ATG2A: variants seen among roughly 807,000 people sequenced by gnomAD.
ATG2A encodes the protein autophagy related 2A, also known as autophagy-related protein 2 homolog A.
ATG2A carries 103 observed loss-of-function variants against 214.2 expected under a neutral mutation model. The observed-to-expected ratio is 0.48, with a 90% CI of 0.41 to 0.57. The LOEUF (loss-of-function observed/expected upper bound fraction) is 0.57. Ranked by LOEUF, ATG2A falls within the 20% of genes least tolerant of loss-of-function variation. ATG2A has a pLI of 0.00. For missense variants in ATG2A, 2,312 were observed against 2,613.2 expected (o/e 0.88, Z 2.51); for synonymous variants, 1,160 against 1,142.1 (o/e 1.02, Z -0.32).
rs377170791 is a variant in ATG2A, at chr11:64,896,761, C to T, written c.5259G>A (p.Ser1753=). 58 of 1,614,102 alleles carry T rather than the reference C, an allele frequency of 3.6e-5. No homozygotes were observed. The East Asian group carries it at 6.2e-4, about 17-fold the overall frequency. ...GLLGGVGPMH[S]VVQLFQGFRD... is the part of the protein sequence containing the mutation. Reference sequence around the variant, plus strand: ...CTAGACACTCACAGAGCTGGACAACCGAGTGCATGGGGCCCACGCCTCCCA... The same window carrying T: ...CTAGACACTCACAGAGCTGGACAACTGAGTGCATGGGGCCCACGCCTCCCA... Residue 1753 remains serine (S), a synonymous_variant, in exon 38 of 41, where the codon TCG becomes TCA. Transcript: ENST00000377264.
intron 16 of ATG2A, 126 bp from the exon 17 acceptor site, chr11:64,908,016 T>A (rs1030214961): frequency 2.3e-5 from 26 of 1,125,018 alleles, no homozygotes; most frequent in Non-Finnish European, 3.2e-5. Context: ...CCTTCTCTAC[T>A]GGGGATGCAT....
At chr11:64,914,980 G>C (rs867022976) in intron 1 of ATG2A, among the ~76,000 whole-genome samples, 2 of 151,872 alleles carry the variant, frequency 1.3e-5, no homozygotes, top group Non-Finnish European at 1.5e-5. Flanking sequence ...ATAAAGGGAG[G>C]GGGGATAGGC....
At position 64,912,112 on chromosome 11, in the gene ATG2A, TG is replaced by T. The variant is rs1230120299; in HGVS notation, c.1059del (p.Asn354ThrfsTer34). ...VAEPLSPDPL[T>X]NPLLNLDNTD... ...GTGTTATCCAGGTTGAGAAGGGGGTTGGTAAGGGGGTCTGGGCTGAGGGGCT... is the reference window on the plus strand; with the variant it reads ...GTGTTATCCAGGTTGAGAAGGGGGTTGTAAGGGGGTCTGGGCTGAGGGGCT... On this transcript the variant is annotated frameshift_variant, in exon 8 of 41. Transcript: ENST00000377264. LOFTEE classifies it high-confidence loss of function. 1 of 1,613,488 alleles carries T rather than the reference TG, an allele frequency of 6.2e-7. No homozygotes were observed. Among genetic ancestry groups the T allele is most frequent in the East Asian group, 2.2e-5 (1 of 44,888 alleles).
chr11:64,902,746 G>A lies in ATG2A; in HGVS notation c.3613-66C>T, dbSNP rs564098945. The stretch of plus-strand genomic sequence containing the variant: ...GGGCCACTGCCTGCTGGCCCCACCC[G>A]CTCGCTGGGAGGGCACCGCAGTTCT... On this transcript the variant is annotated intron_variant, in intron 26 of 40. Coordinates refer to ENST00000377264, the MANE Select transcript of ATG2A (RefSeq NM_015104.3). 1,351 of 1,471,878 alleles carry A rather than the reference G, an allele frequency of 9.2e-4. 1 individual carries two copies. The highest frequency in any genetic ancestry group is 1.1e-3 in the Non-Finnish European group (1,171 of 1,072,140). The allele number at this position is 1,471,878 out of a possible 1,614,324, so 91.2% of individuals were successfully genotyped here. A position where few individuals can be genotyped will look rare whatever the true frequency, so the allele number is the denominator to read the frequency against.
chr11:64,911,328 G>C (rs1944766174), intron 9 of ATG2A, 53 bp from the exon 10 acceptor site: 1 of 1,572,992 alleles, frequency 6.4e-7, no homozygotes, highest in African/African-American at 1.3e-5. Context: ...GGGTACCCCA[G>C]GTGGAGCAAT....
At chr11:64,901,194 T>TA in intron 29 of ATG2A, 102 bp from the exon 30 acceptor site, 25 of 1,225,752 alleles carry the variant, frequency 2.0e-5, no homozygotes, top group East Asian at 2.6e-5. Context: ...TTTTTTTTTT[T>TA]TATAGACAGG....
At chr11:64,897,607 GC>G in intron 36 of ATG2A, 63 bp downstream of exon 36, 1 of 1,610,562 alleles carries the variant, frequency 6.2e-7, no homozygotes, top group Non-Finnish European at 8.5e-7. Flanking sequence ...GCAAGACCTG[GC>G]CCCCAGAGGG....
In ATG2A at chr11:64,914,422, C is replaced by G. The variant is rs765501397; in HGVS notation, c.250G>C (p.Val84Leu). ...EGFVGSIEVA[V>L]PWAALLTDHC... is the part of the protein sequence containing the mutation. ...TCGGTGAGCAGAGCAGCCCAGGGCA[C>G]GGCCACCTCGATGGAGCCCACGAAG... Residue 84 changes from valine (V) to leucine (L), a missense_variant, in exon 2 of 41, where the codon GTG becomes CTG. By Grantham distance (32) the Val-to-Leu change is conservative (BLOSUM62 1). Coordinates refer to ENST00000377264, the MANE Select transcript of ATG2A (RefSeq NM_015104.3). 4.3e-6 allele frequency: 7 copies of G among 1,612,438 alleles called. No homozygotes were observed. In the South Asian group the frequency reaches 7.7e-5, roughly 18 times the overall value.
intron 1 of ATG2A, 149 bp downstream of exon 1, chr11:64,916,816 G>T: frequency 9.8e-7 from 1 of 1,025,634 alleles, no homozygotes; most frequent in South Asian, 1.6e-5. Flanking sequence ...GAGGCCAGCC[G>T]GGGTGCCTCT....
rs1440195373 is a variant in ATG2A at position 64,914,205 on chromosome 11, C to T, written c.363G>A (p.Trp121Ter). 6.4e-7 allele frequency: 1 copy of T among 1,553,862 alleles called. No homozygotes were observed. The highest frequency in any genetic ancestry group is 8.7e-7 in the Non-Finnish European group (1 of 1,148,594). The change falls in exon 3 of 41, where the codon TGG (tryptophan) becomes TGA (stop). Residue 121 changes from tryptophan (W) to a stop codon, truncating the protein, a stop_gained. Coordinates refer to ENST00000377264, the MANE Select transcript of ATG2A (RefSeq NM_015104.3). LOFTEE classifies it high-confidence loss of function. ...GCAGGCTTGTGGTCATGCATGAGGC[C>T]CAGCTCTGTGAGTCGGCAGCCCCTG... The part of the protein sequence containing the change: ...PAPGAADSQS[W>*]ASCMTTSLQL...
chr11:64,907,135 G>C, intron 19 of ATG2A, 120 bp downstream of exon 19: 1 of 1,234,402 alleles, frequency 8.1e-7, no homozygotes, highest in Non-Finnish European at 1.1e-6. Flanking sequence ...GTGGGCTGGC[G>C]CTGCCCACTC....
chr11:64,902,439 C>A, intron 27 of ATG2A, 53 bp from the exon 28 acceptor site: 2 of 1,528,476 alleles, frequency 1.3e-6, no homozygotes. Flanking sequence ...GCTCCCCCAA[C>A]CCCAGGCCCG....
At chr11:64,901,172 C>A in intron 29 of ATG2A, 80 bp from the exon 30 acceptor site, 2 of 1,391,184 alleles carry the variant, frequency 1.4e-6, no homozygotes, top group Non-Finnish European at 1.9e-6. Context: ...CCTGGCCTCA[C>A]TTCTTTTTCA....
At chr11:64,905,394 A>G (rs1314674776) in intron 24 of ATG2A, among the ~76,000 whole-genome samples, 169 bp downstream of exon 24, 5 of 152,216 alleles carry the variant, frequency 3.3e-5, no homozygotes, top group Non-Finnish European at 5.9e-5. Flanking sequence ...TAAGGGTCTC[A>G]TCAGGAGGCT....
Position 64,914,940 on chromosome 11 carries a change from T to C in ATG2A, c.172-440A>G, listed in dbSNP as rs368303376. ...CGTGGGGAAGACGCCTAACCCAGCC[T>C]GGGCCGTCAGAGGAGGGGCAAGCTG... On this transcript the variant is annotated intron_variant, in intron 1 of 40. Transcript: ENST00000377264. 6.3e-5 allele frequency among the ~76,000 whole-genome samples: 9 copies of C among 143,390 alleles called. No homozygotes were observed. In the East Asian group the frequency reaches 1.6e-3, roughly 25 times the overall value. 94.1% of individuals were successfully genotyped at this position (143,390 alleles called of 152,430 possible).
Position 64,912,135 on chromosome 11 carries a change from G to T in ATG2A, c.1037C>A (p.Pro346His). The T allele has an allele frequency of 1.2e-6, 2 of 1,613,916 alleles. No individual in the cohort carries two copies. The highest frequency in any genetic ancestry group is 2.2e-5 in the South Asian group (2 of 91,088). The change falls in exon 8 of 41, where the codon CCC (proline) becomes CAC (histidine). Residue 346 changes from proline to histidine, a missense_variant. Pro to His is a moderately conservative substitution (Grantham distance 77, BLOSUM62 -2). Transcript: ENST00000377264. Reference sequence around the variant, plus strand: ...GTTGGTAAGGGGGTCTGGGCTGAGGGGCTCAGCCACTGCCCCTGCCTGCAG... The same window carrying T: ...GTTGGTAAGGGGGTCTGGGCTGAGGTGCTCAGCCACTGCCCCTGCCTGCAG... Reference protein sequence around the residue: ...QQLQAGAVAEPLSPDPLTNPL... With the variant: ...QQLQAGAVAEHLSPDPLTNPL...
rs1944721121 is a variant in ATG2A, at chr11:64,910,331, C to T, written c.1708-136G>A. 2.3e-6 allele frequency: 3 copies of T among 1,310,608 alleles called. No homozygotes were observed. In the South Asian group the frequency reaches 4.5e-5, roughly 20 times the overall value. The allele number at this position is 1,310,608 out of a possible 1,614,324, so 81.2% of individuals were successfully genotyped here. A position where few individuals can be genotyped will look rare whatever the true frequency, so the allele number is the denominator to read the frequency against. On this transcript the variant is annotated intron_variant, in intron 12 of 40. Transcript: ENST00000377264. ...CTAAGAAGGCCTGCCCCACCTTTGC[C>T]CGACGCGCACAATGTGCTTGTTTAC...
In ATG2A at chr11:64,895,225, G is replaced by A. The variant is rs1944105922; in HGVS notation, c.5581-16C>T. ...CCAAGATGCCCTGTGGAAGCCAGAG[G>A]TCAGGGCGGGGTCTGTGTGAGGAGA... On this transcript the variant is annotated splice_polypyrimidine_tract_variant and intron_variant, in intron 40 of 40. Coordinates refer to ENST00000377264, the MANE Select transcript of ATG2A (RefSeq NM_015104.3). This position sits in a 1 kb window ranked among gnomAD's most constrained non-coding sequence, Gnocchi z 5.0. 1.2e-6 allele frequency: 2 copies of A among 1,613,018 alleles called. No individual in the cohort carries two copies. Among genetic ancestry groups the A allele is most frequent in the Non-Finnish European group, 1.7e-6 (2 of 1,179,790 alleles).
Position 64,910,908 on chromosome 11 carries a change from T to C in ATG2A, c.1513A>G (p.Ser505Gly). The C allele has an allele frequency of 6.2e-7, 1 of 1,612,656 alleles. No homozygotes were observed. Among genetic ancestry groups the C allele is most frequent in the Non-Finnish European group, 8.5e-7 (1 of 1,179,820 alleles). ...VQLSWELRTGSRGRRTTSMEV... is the reference protein window; with the variant it reads ...VQLSWELRTGGRGRRTTSMEV... ...ATGCTGGTTGTCCGCCGGCCCCGAC[T>C]GCCCGTCCGCAGCTCCCAGGACAGC... The change falls in exon 11 of 41, where the codon AGT (serine) becomes GGT (glycine). Residue 505 changes from serine (S) to glycine (G), a missense_variant. By Grantham distance (56) the Ser-to-Gly change is moderately conservative. Transcript: ENST00000377264.
Sources: allele counts gnomAD v4.1 joint callset (sites outside exome capture counted in the v4.1 genomes callset), GRCh38; gene constraint gnomAD v4.1.1; non-coding constraint Gnocchi (gnomAD v3.1); transcripts MANE v1.5; gene names NCBI Gene and HGNC (gene_info 2026-07-23, HGNC 2026-07-21).